The following PRR16 variants were observed in gnomAD, a reference collection of about 807,000 sequenced individuals.
The protein encoded by PRR16 is proline rich 16.
PRR16 carries 6 observed loss-of-function variants against 18.2 expected under a neutral mutation model. The ratio of observed to expected loss-of-function variants is 0.33; its 90% CI spans 0.18 to 0.65. The LOEUF (loss-of-function observed/expected upper bound fraction) is 0.65, where lower values mean the gene tolerates loss of function less well. Among genes scored for constraint, PRR16 ranks in the 30% least tolerant of loss-of-function variants. The pLI is 0.74. For missense variants in PRR16, 412 were observed against 376.6 expected (o/e 1.09, Z -0.78); for synonymous variants, 151 against 147.8 (o/e 1.02, Z -0.16).
At chr5:120,723,833 A>G in the PRR16 span, among the ~76,000 whole-genome samples, 1 of 151,930 alleles carries the variant, frequency 6.6e-6, no homozygotes, top group Non-Finnish European at 1.5e-5. Context: ...GTAAATATTC[A>G]AAATACTTTA....
chr5:120,734,473 A>G, the PRR16 span, among the ~76,000 whole-genome samples: 1 of 152,218 alleles, frequency 6.6e-6, no homozygotes, highest in East Asian at 1.9e-4. Context: ...TTAGTAAAAA[A>G]ATGTTATTTA....
Position 120,557,687 on chromosome 5 carries a change from TTTA to T in PRR16, c.159+93045_159+93047del, listed in dbSNP as rs1752458616. On this transcript the variant is annotated intron_variant, in intron 1 of 1. Transcript: ENST00000407149. ...ATAGTTGCATTTCCTATGGTCTCTT[TTTA>T]TTCTTAACTATGGATTTTAATATAT... Among the ~76,000 whole-genome samples the T allele has an allele frequency of 3.9e-5, 6 of 152,066 alleles. No homozygotes were observed. The South Asian group carries it at 1.0e-3, about 26-fold the overall frequency.
At chr5:120,486,725 T>C (rs895498540) in intron 1 of PRR16, among the ~76,000 whole-genome samples, 54 of 152,076 alleles carry the variant, frequency 3.6e-4, no homozygotes, top group Non-Finnish European at 7.4e-5. Context: ...CTTGCCCATG[T>C]CTCTGTCCTG....
intron 1 of PRR16, among the ~76,000 whole-genome samples, chr5:120,635,011 C>T (rs1290975509): frequency 6.6e-6 from 1 of 152,016 alleles, no homozygotes; most frequent in Non-Finnish European, 1.5e-5. Flanking sequence ...AACTAGAAAA[C>T]CTGTAGGAGA....
At chr5:120,523,668 A>G (rs61083029) in intron 1 of PRR16, among the ~76,000 whole-genome samples, 3,620 of 152,262 alleles carry the variant, frequency 0.024, 70 homozygotes, top group African/African-American at 0.052. Context: ...AAACATTACT[A>G]CCTATAGTCA....
At chr5:120,639,376 T>A (rs1270736549) in intron 1 of PRR16, among the ~76,000 whole-genome samples, 1 of 152,116 alleles carries the variant, frequency 6.6e-6, no homozygotes, top group Admixed American at 6.6e-5. Context: ...TATATTCAGG[T>A]AAATCATATT....
At chr5:120,755,995 C>A in the PRR16 span, among the ~76,000 whole-genome samples, 1 of 151,958 alleles carries the variant, frequency 6.6e-6, no homozygotes, top group Non-Finnish European at 1.5e-5. Flanking sequence ...TAGTTTACAC[C>A]CTATGTAAAT....
At position 120,613,132 on chromosome 5, in the gene PRR16, T is replaced by G. The variant is rs1027525831; in HGVS notation, c.160-72822T>G. 3.3e-5 allele frequency among the ~76,000 whole-genome samples: 5 copies of G among 152,262 alleles called. No homozygotes were observed. The South Asian group carries it at 1.0e-3, about 32-fold the overall frequency. On this transcript the variant is annotated intron_variant, in intron 1 of 1. Coordinates refer to ENST00000407149, the MANE Select transcript of PRR16 (RefSeq NM_001300783.2). ...ATAATGCAAATATTTGCCCATGAGT[T>G]TACACATGGAACATGGCTATAATGT... is the stretch of plus-strand genomic sequence containing the variant.
At chr5:120,754,245 T>C in the PRR16 span, among the ~76,000 whole-genome samples, 1 of 105,498 alleles carries the variant, frequency 9.5e-6, no homozygotes, top group Non-Finnish European at 1.7e-5. Context: ...TATAATTAGA[T>C]ATTATAATAT....
intron 1 of PRR16, among the ~76,000 whole-genome samples, chr5:120,556,989 G>T (rs905540549): frequency 4.6e-5 from 7 of 151,046 alleles, no homozygotes; most frequent in African/African-American, 1.7e-4. Flanking sequence ...TATTTTAGAA[G>T]ATTCTCCACT....
At chr5:120,659,514 A>G (rs1358837895) in intron 1 of PRR16, among the ~76,000 whole-genome samples, 1 of 152,066 alleles carries the variant, frequency 6.6e-6, no homozygotes, top group East Asian at 1.9e-4. Context: ...GTGATATATA[A>G]TGATCAAGGC....
downstream of PRR16, among the ~76,000 whole-genome samples, chr5:120,688,101 T>C (rs147657865): frequency 2.0e-5 from 3 of 152,354 alleles, no homozygotes; most frequent in African/African-American, 4.8e-5. Context: ...CTCAAAACTG[T>C]AATCTTTGCA....
chr5:120,469,746 T>C (rs1389166762), intron 1 of PRR16, among the ~76,000 whole-genome samples: 1 of 152,234 alleles, frequency 6.6e-6, no homozygotes, highest in Non-Finnish European at 1.5e-5. Flanking sequence ...CAAACTGTGG[T>C]ATATTTACCA....
intron 1 of PRR16, among the ~76,000 whole-genome samples, chr5:120,569,782 A>C (rs562287403): frequency 2.1e-4 from 32 of 152,134 alleles, no homozygotes; most frequent in South Asian, 4.1e-4. Flanking sequence ...AGAGGTAGAA[A>C]ATAATACATG....
At chr5:120,647,088 C>A (rs557741716) in intron 1 of PRR16, among the ~76,000 whole-genome samples, 2 of 151,396 alleles carry the variant, frequency 1.3e-5, no homozygotes, top group Non-Finnish European at 2.9e-5. Flanking sequence ...TAAATGCCTT[C>A]GAAAATTAAG....
At chr5:120,625,744 G>C (rs1327773686) in intron 1 of PRR16, among the ~76,000 whole-genome samples, 1 of 152,140 alleles carries the variant, frequency 6.6e-6, no homozygotes, top group East Asian at 1.9e-4. Flanking sequence ...TAGGACAATA[G>C]AGTCAGAAAT....
intron 1 of PRR16, among the ~76,000 whole-genome samples, chr5:120,573,943 A>G (rs1466295356): frequency 6.6e-6 from 1 of 152,010 alleles, no homozygotes; most frequent in African/African-American, 2.4e-5. Flanking sequence ...TATAGCAAAA[A>G]TGGTATAAAT....
intron 1 of PRR16, among the ~76,000 whole-genome samples, chr5:120,532,958 T>C (rs1453234616): frequency 6.6e-6 from 1 of 152,194 alleles, no homozygotes; most frequent in Non-Finnish European, 1.5e-5. Context: ...TTAGTGTTTC[T>C]GGGTCGTTCT....
intron 1 of PRR16, among the ~76,000 whole-genome samples, chr5:120,575,506 C>G (rs919814936): frequency 6.6e-6 from 1 of 152,126 alleles, no homozygotes; most frequent in Non-Finnish European, 1.5e-5. Flanking sequence ...ATTCAGCATA[C>G]TCAAACCAAT....
Sources: gnomAD v4.1 joint callset for allele counts (sites outside exome capture counted in the v4.1 genomes callset) on GRCh38, gnomAD v4.1.1 for gene constraint, MANE v1.5 for transcripts, NCBI Gene and HGNC (gene_info 2026-07-23, HGNC 2026-07-21) for gene names.